Variants in NRXN3 observed in about 807,000 individuals in gnomAD.
The protein encoded by NRXN3 is neurexin 3.
A neutral mutation model predicts 137.6 loss-of-function variants in NRXN3; 32 were observed. That is an observed-to-expected ratio of 0.23 (90% CI 0.18 to 0.31). The LOEUF (loss-of-function observed/expected upper bound fraction) is 0.31, where lower values mean the gene tolerates loss of function less well. Ranked by LOEUF, NRXN3 falls within the 10% of genes least tolerant of loss-of-function variation. The probability of loss-of-function intolerance (pLI) is 1.00; values close to 1 mark genes in which losing one functional copy is unlikely to be tolerated. For missense variants in NRXN3, 1,574 were observed against 2,062.5 expected (o/e 0.76, Z 4.59); for synonymous variants, 798 against 784.5 (o/e 1.02, Z -0.29).
chr14:78,607,323 C>A (rs995529583), intron 4 of NRXN3, among the ~76,000 whole-genome samples: 2 of 152,132 alleles, frequency 1.3e-5, no homozygotes, highest in African/African-American at 4.8e-5. Context: ...AGCATTTGAT[C>A]CTTTTTGGCC....
At chr14:79,668,562 C>T (rs186723800) in intron 17 of NRXN3, among the ~76,000 whole-genome samples, 15 of 152,144 alleles carry the variant, frequency 9.9e-5, no homozygotes, top group East Asian at 5.8e-4. Context: ...CTCAGAGCCA[C>T]GATTTTATTA....
intron 15 of NRXN3, among the ~76,000 whole-genome samples, chr14:79,002,187 A>G (rs1276319047): frequency 1.3e-5 from 2 of 152,160 alleles, no homozygotes; most frequent in Non-Finnish European, 2.9e-5. Flanking sequence ...AAATGTAAAC[A>G]TATTCCTGAT....
intron 15 of NRXN3, among the ~76,000 whole-genome samples, chr14:79,031,194 G>A (rs1360133865): frequency 6.6e-6 from 1 of 152,076 alleles, no homozygotes; most frequent in Non-Finnish European, 1.5e-5. Flanking sequence ...TCAGTTAACT[G>A]CTCAGAGGCA....
chr14:79,489,527 C>G (rs182987172), intron 16 of NRXN3, among the ~76,000 whole-genome samples: 2 of 152,098 alleles, frequency 1.3e-5, no homozygotes, highest in African/African-American at 2.4e-5. Flanking sequence ...CTACAGACAC[C>G]GGGCTCGTTT....
At chr14:78,568,046 G>A (rs1406053239) in intron 4 of NRXN3, among the ~76,000 whole-genome samples, 1 of 152,194 alleles carries the variant, frequency 6.6e-6, no homozygotes, top group Non-Finnish European at 1.5e-5. Flanking sequence ...CAGAGGTTCT[G>A]AGGTTAAATT....
chr14:79,821,497 A>T (rs2099272347), intron 20 of NRXN3, among the ~76,000 whole-genome samples: 4 of 152,320 alleles, frequency 2.6e-5, no homozygotes, highest in Middle Eastern at 3.4e-3. Flanking sequence ...CAAACAAGGC[A>T]TAATGAGACA....
At chr14:79,852,838 T>C (rs1361420159) in intron 20 of NRXN3, among the ~76,000 whole-genome samples, 1 of 151,684 alleles carries the variant, frequency 6.6e-6, no homozygotes, top group Non-Finnish European at 1.5e-5. Context: ...CCTTCTTGTT[T>C]GGGAATTAAG....
At chr14:78,454,029 C>A (rs1022639186) in intron 4 of NRXN3, among the ~76,000 whole-genome samples, 6 of 152,138 alleles carry the variant, frequency 3.9e-5, no homozygotes, top group African/African-American at 1.4e-4. Flanking sequence ...ACTAATACAC[C>A]ACTGAACCAA....
At chr14:79,141,396 C>T (rs1487016905) in intron 15 of NRXN3, among the ~76,000 whole-genome samples, 1 of 152,172 alleles carries the variant, frequency 6.6e-6, no homozygotes, top group Non-Finnish European at 1.5e-5. Flanking sequence ...ATGTGCTTAG[C>T]CCTGTGTCTG....
chr14:78,192,573 G>A (rs77709835), intron 1 of NRXN3, among the ~76,000 whole-genome samples: 9,415 of 152,222 alleles, frequency 0.062, 378 homozygotes, highest in Middle Eastern at 0.13. Flanking sequence ...GTGACAGCTG[G>A]CAGAGTCAAG....
chr14:78,577,557 C>CCAGGATCG (rs2096949431), intron 4 of NRXN3, among the ~76,000 whole-genome samples: 1 of 152,074 alleles, frequency 6.6e-6, no homozygotes. Flanking sequence ...CCGCCACCTC[C>CCAGGATCG]CAGGTTCAAG....
intron 15 of NRXN3, among the ~76,000 whole-genome samples, chr14:79,429,297 A>T (rs899655212): frequency 1.3e-5 from 2 of 152,210 alleles, no homozygotes; most frequent in African/African-American, 4.8e-5. Flanking sequence ...CTATTCAACC[A>T]TAGGGCTCCG....
chr14:78,659,554 C>T (rs994845038), intron 6 of NRXN3, among the ~76,000 whole-genome samples: 6 of 151,874 alleles, frequency 4.0e-5, no homozygotes, highest in Non-Finnish European at 7.4e-5. Flanking sequence ...TGGTGGCACA[C>T]GCCTGTGGTC....
chr14:79,724,284 G>A (rs1472368601), intron 19 of NRXN3, among the ~76,000 whole-genome samples: 1 of 152,102 alleles, frequency 6.6e-6, no homozygotes, highest in Non-Finnish European at 1.5e-5. Context: ...CTGGAGTCCT[G>A]ACTGTGCTAC....
intron 16 of NRXN3, among the ~76,000 whole-genome samples, chr14:79,540,020 G>A (rs904247580): frequency 1.3e-5 from 2 of 152,110 alleles, no homozygotes; most frequent in African/African-American, 4.8e-5. Context: ...GGAGTGAGAA[G>A]GAGAGGGAAA....
chr14:78,571,700 C>A (rs779165554), intron 4 of NRXN3, among the ~76,000 whole-genome samples: 1 of 152,136 alleles, frequency 6.6e-6, no homozygotes, highest in South Asian at 2.1e-4. Context: ...TACCTACACA[C>A]ACACACATTC....
Position 78,658,739 on chromosome 14 carries a change from A to C in NRXN3, c.1221+7413A>C, listed in dbSNP as rs78227249. Among the ~76,000 whole-genome samples the C allele has an allele frequency of 8.6e-3, 1,303 of 152,334 alleles. 25 individuals carry two copies. Among genetic ancestry groups the C allele is most frequent in the African/African-American group, 0.03 (1,251 of 41,582 alleles). ...AACACACATTATTGCTTTGGGTAGC[A>C]AGGTAAACATCTTGCTGTACATCTT... On this transcript the variant is annotated intron_variant, in intron 6 of 20. Transcript: ENST00000335750.
At chr14:78,259,242 A>G (rs1304841773) in intron 2 of NRXN3, among the ~76,000 whole-genome samples, 1 of 152,216 alleles carries the variant, frequency 6.6e-6, no homozygotes, top group Non-Finnish European at 1.5e-5. Flanking sequence ...CACATGACAG[A>G]GTTTCTGGCT....
At chr14:78,316,089 TCTC>T (rs2078680915) in intron 4 of NRXN3, among the ~76,000 whole-genome samples, 1 of 152,176 alleles carries the variant, frequency 6.6e-6, no homozygotes, top group South Asian at 2.1e-4. Context: ...TTTTTTTCTT[TCTC>T]CTATTTTATC....
Sources: gnomAD v4.1 joint callset for allele counts (sites outside exome capture counted in the v4.1 genomes callset) on GRCh38, gnomAD v4.1.1 for gene constraint, MANE v1.5 for transcripts, NCBI Gene and HGNC (gene_info 2026-07-23, HGNC 2026-07-21) for gene names.